SRC: variants seen among roughly 807,000 people sequenced by gnomAD.
SRC encodes proto-oncogene tyrosine-protein kinase Src.
In SRC, 13 loss-of-function variants were observed where a neutral mutation model predicts 62.9. The observed-to-expected ratio is 0.21, with a 90% CI of 0.13 to 0.33. The LOEUF (loss-of-function observed/expected upper bound fraction) is 0.33, where lower values mean the gene tolerates loss of function less well. Among genes scored for constraint, SRC ranks in the 10% least tolerant of loss-of-function variants. The pLI, the probability that SRC is intolerant of heterozygous loss-of-function variation, is 1.00. For missense variants in SRC, 457 were observed against 737.3 expected (o/e 0.62, Z 4.40); for synonymous variants, 302 against 317.5 (o/e 0.95, Z 0.52).
At chr20:37,375,161 C>T (rs1239640551) in intron 2 of SRC, among the ~76,000 whole-genome samples, 2 of 151,818 alleles carry the variant, frequency 1.3e-5, no homozygotes, top group Non-Finnish European at 2.9e-5. Context: ...GAACTCCTGA[C>T]CTCAGGTGAT....
intron 1 of SRC, among the ~76,000 whole-genome samples, chr20:37,357,077 T>C (rs2069893738): frequency 6.6e-6 from 1 of 152,180 alleles, no homozygotes; most frequent in African/African-American, 2.4e-5. Context: ...TGAGACTTGC[T>C]GGGCTGTGGG....
chr20:37,378,397 C>G (rs2070309146), intron 2 of SRC, among the ~76,000 whole-genome samples: 1 of 152,100 alleles, frequency 6.6e-6, no homozygotes. Flanking sequence ...ATGTTTGCTA[C>G]AGGTCCAGTA....
In SRC at chr20:37,396,012, C is replaced by T. The variant is rs1037304707; in HGVS notation, c.554-150C>T. ...CTTGGCCCTGCCTCTGTGGCTGCCC[C>T]GGGGCTGGCTGTTGAGAGACAGGGT... On this transcript the variant is annotated intron_variant, in intron 7 of 13. Coordinates refer to ENST00000373578, the MANE Select transcript of SRC (RefSeq NM_198291.3). The surrounding 1 kb of genome is among the most constrained non-coding windows in gnomAD (Gnocchi z 6.1). 36 of 1,115,396 alleles carry T rather than the reference C, an allele frequency of 3.2e-5. No homozygotes were observed. Among genetic ancestry groups the T allele is most frequent in the Non-Finnish European group, 3.9e-5 (31 of 797,296 alleles). 69.1% of individuals were successfully genotyped at this position (1,115,396 alleles called of 1,614,324 possible).
Position 37,379,766 on chromosome 20 carries a change from G to A in SRC, c.-172-2853G>A, listed in dbSNP as rs73099327. 6.0e-3 allele frequency among the ~76,000 whole-genome samples: 896 copies of A among 149,094 alleles called. 4 individuals are homozygous for A. The highest frequency in any genetic ancestry group is 8.7e-3 in the Non-Finnish European group (583 of 67,122). ...TAATAATTAGCCAGGCGTGGTATTC[G>A]GTGACTGTAATCCCAGCTACTTGGG... On this transcript the variant is annotated intron_variant, in intron 2 of 13. Coordinates refer to ENST00000373578, the MANE Select transcript of SRC (RefSeq NM_198291.3).
chr20:37,403,141 CG>C lies in SRC; in HGVS notation c.1403-27del. The C allele has an allele frequency of 6.6e-7, 1 of 1,509,550 alleles. No homozygotes were observed. The highest frequency in any genetic ancestry group is 8.9e-7 in the Non-Finnish European group (1 of 1,129,470). The allele number at this position is 1,509,550 out of a possible 1,614,324, so 93.5% of individuals were successfully genotyped here. ...CCCACCCCACTTTCCTCACCGGAGC[CG>C]GGCTCCCCATGCCTCGCTCTGCCCA... is the stretch of plus-strand genomic sequence containing the variant. On this transcript the variant is annotated intron_variant, in intron 13 of 13. Coordinates refer to ENST00000373578, the MANE Select transcript of SRC (RefSeq NM_198291.3). This position sits in a 1 kb window ranked among gnomAD's most constrained non-coding sequence, Gnocchi z 7.1.
At chr20:37,382,879 G>A (rs1436806279) in intron 3 of SRC, 93 bp downstream of exon 3, 1 of 152,366 alleles carries the variant, frequency 6.6e-6, no homozygotes, top group Non-Finnish European at 1.5e-5. Context: ...TGCGGATGGG[G>A]AAATGGGAGG....
chr20:37,394,453 C>T (rs891226859), intron 7 of SRC, among the ~76,000 whole-genome samples, 176 bp downstream of exon 7: 4 of 152,112 alleles, frequency 2.6e-5, no homozygotes, highest in East Asian at 1.9e-4. Context: ...GAGTAATCCG[C>T]GGTGGCCAGA....
At chr20:37,355,147 C>T (rs1409377762) in intron 1 of SRC, among the ~76,000 whole-genome samples, 2 of 152,038 alleles carry the variant, frequency 1.3e-5, no homozygotes, top group East Asian at 1.9e-4. Context: ...ATCTCAGCGC[C>T]AACTGTGGTG....
Position 37,402,627 on chromosome 20 carries a change from G to T in SRC, c.1270+39G>T. On this transcript the variant is annotated intron_variant, in intron 12 of 13. Coordinates refer to ENST00000373578, the MANE Select transcript of SRC (RefSeq NM_198291.3). The surrounding 1 kb of genome is among the most constrained non-coding windows in gnomAD (Gnocchi z 6.2). Reference sequence around the variant, plus strand: ...GTGTGGTATGTCGCGCTTGGCCTGGGACAGGTCACGTCCCGCTCTGAGCCC... The same window carrying T: ...GTGTGGTATGTCGCGCTTGGCCTGGTACAGGTCACGTCCCGCTCTGAGCCC... 1 of 1,590,654 alleles carries T rather than the reference G, an allele frequency of 6.3e-7. No homozygotes were observed. The highest frequency in any genetic ancestry group is 8.6e-7 in the Non-Finnish European group (1 of 1,166,158).
chr20:37,363,854 G>A (rs895015565), intron 1 of SRC, among the ~76,000 whole-genome samples: 1 of 152,164 alleles, frequency 6.6e-6, no homozygotes, highest in Non-Finnish European at 1.5e-5. Context: ...TCTCAGGCAC[G>A]CCATTTAACC....
rs1182173809 is a variant in SRC, at chr20:37,401,728, G to C, written c.1116+50G>C. On this transcript the variant is annotated intron_variant, in intron 11 of 13. Coordinates refer to ENST00000373578, the MANE Select transcript of SRC (RefSeq NM_198291.3). ...CACACCCTTGGTCCTCAAGCACCCAGACCCATCTGGTGCAGCCAGTTCTGG... is the reference window on the plus strand; with the variant it reads ...CACACCCTTGGTCCTCAAGCACCCACACCCATCTGGTGCAGCCAGTTCTGG... 2.1e-6 allele frequency: 3 copies of C among 1,448,280 alleles called. No homozygotes were observed. The Admixed American group carries it at 5.6e-5, about 27-fold the overall frequency. The allele number at this position is 1,448,280 out of a possible 1,614,324, so 89.7% of individuals were successfully genotyped here.
At chr20:37,362,092 T>C (rs1020191119) in intron 1 of SRC, among the ~76,000 whole-genome samples, 3 of 152,122 alleles carry the variant, frequency 2.0e-5, no homozygotes. Flanking sequence ...TCTCACTCTG[T>C]TGCCCAGGCT....
intron 9 of SRC, among the ~76,000 whole-genome samples, chr20:37,399,870 C>T (rs892626592): frequency 6.6e-6 from 1 of 152,134 alleles, no homozygotes; most frequent in East Asian, 1.9e-4. Context: ...AATCACAGTC[C>T]CGACAACAGC....
chr20:37,403,384 A>C lies in SRC; in HGVS notation c.*5A>C, dbSNP rs374511624. 1.9e-6 allele frequency: 3 copies of C among 1,580,160 alleles called. No homozygotes were observed. In the African/African-American group the frequency reaches 4.0e-5, roughly 21 times the overall value. On this transcript the variant is annotated 3_prime_UTR_variant, in exon 14 of 14. Transcript: ENST00000373578. The surrounding 1 kb of genome is among the most constrained non-coding windows in gnomAD (Gnocchi z 7.1). ...CAGCCCGGGGAGAACCTCTAGGCAC[A>C]GGCGGGCCCAGACCGGCTTCTCGGC...
chr20:37,359,757 TG>T (rs2069937200), intron 1 of SRC, among the ~76,000 whole-genome samples: 1 of 151,748 alleles, frequency 6.6e-6, no homozygotes, highest in Non-Finnish European at 1.5e-5. Context: ...ACGAGGGTCC[TG>T]GGTGCACCTG....
intron 2 of SRC, among the ~76,000 whole-genome samples, chr20:37,379,717 T>C (rs73620298): frequency 1.4e-5 from 2 of 140,960 alleles, no homozygotes; most frequent in Non-Finnish European, 3.1e-5. Context: ...GAGGAGACTC[T>C]GTCTCAAAAA....
At chr20:37,358,007 A>C (rs2069909062) in intron 1 of SRC, among the ~76,000 whole-genome samples, 1 of 152,128 alleles carries the variant, frequency 6.6e-6, no homozygotes, top group South Asian at 2.1e-4. Context: ...CCCTGTGACG[A>C]CTTTGGCCTT....
At chr20:37,370,945 A>C (rs563555368) in intron 2 of SRC, among the ~76,000 whole-genome samples, 16 of 149,786 alleles carry the variant, frequency 1.1e-4, no homozygotes, top group Admixed American at 2.0e-4. Context: ...CTTGCTTTAG[A>C]TTTATTTGAA....
rs1460241860 is a variant in SRC at position 37,403,029 on chromosome 20, CT to C, written c.1403-141del. The stretch of plus-strand genomic sequence containing the variant: ...TGTTAGGCTCTCTCGATGGTCCATG[CT>C]CTCAGCTTCGGGGACAGGACTTATC... On this transcript the variant is annotated intron_variant, in intron 13 of 13. Coordinates refer to ENST00000373578, the MANE Select transcript of SRC (RefSeq NM_198291.3). This position sits in a 1 kb window ranked among gnomAD's most constrained non-coding sequence, Gnocchi z 7.1. 7.6e-7 allele frequency: 1 copy of C among 1,315,732 alleles called. No homozygotes were observed. The highest frequency in any genetic ancestry group is 1.5e-5 in the African/African-American group (1 of 67,260). The allele number at this position is 1,315,732 out of a possible 1,614,324, so 81.5% of individuals were successfully genotyped here.
Sources: allele counts gnomAD v4.1 joint callset (sites outside exome capture counted in the v4.1 genomes callset), GRCh38; gene constraint gnomAD v4.1.1; non-coding constraint Gnocchi (gnomAD v3.1); transcripts MANE v1.5; gene names NCBI Gene and HGNC (gene_info 2026-07-23, HGNC 2026-07-21).